The following LGALS9 variants were observed in gnomAD, a reference collection of about 807,000 sequenced individuals.
LGALS9 encodes the protein galectin 9, also known as galectin-9.
LGALS9 carries 26 observed loss-of-function variants against 35.9 expected under a neutral mutation model. The observed-to-expected ratio is 0.72, with a 90% CI of 0.53 to 1.01. The LOEUF is 1.01. Ranked by LOEUF, LGALS9 falls within the 50% of genes least tolerant of loss-of-function variation. LGALS9 has a pLI of 0.00. For missense variants in LGALS9, 347 were observed against 445.8 expected, an observed-to-expected ratio of 0.78 and a Z score of 1.99; for synonymous variants, 149 against 172.2, an observed-to-expected ratio of 0.87 and a Z score of 1.06.
chr17:27,636,037 A>G (rs2074447122), intron 1 of LGALS9, among the ~76,000 whole-genome samples: 1 of 152,220 alleles, frequency 6.6e-6, no homozygotes, highest in Non-Finnish European at 1.5e-5. Context: ...GAGGGGCAAC[A>G]AAAGACACCC....
At chr17:27,632,864 C>T (rs1027677095) in intron 1 of LGALS9, among the ~76,000 whole-genome samples, 12 of 152,322 alleles carry the variant, frequency 7.9e-5, no homozygotes, top group African/African-American at 2.9e-4. Flanking sequence ...CACTTGGTGA[C>T]CCATCTGGCA....
intron 10 of LGALS9, 55 bp from the exon 11 acceptor site, chr17:27,648,781 C>A: frequency 6.2e-7 from 1 of 1,610,578 alleles, no homozygotes; most frequent in Non-Finnish European, 8.5e-7. Context: ...GAGGAGGCTG[C>A]AGTGAGGGTG....
intron 1 of LGALS9, among the ~76,000 whole-genome samples, chr17:27,633,462 C>T (rs1213153153): frequency 7.2e-5 from 11 of 152,368 alleles, no homozygotes; most frequent in Admixed American, 4.6e-4. Context: ...CTAAGAGCCA[C>T]GTACTGGCCT....
At chr17:27,641,584 A>G (rs1414049621) in intron 3 of LGALS9, among the ~76,000 whole-genome samples, 4 of 152,260 alleles carry the variant, frequency 2.6e-5, no homozygotes, top group Middle Eastern at 3.4e-3. Context: ...CTTGATACCA[A>G]GGTGATGGGT....
intron 10 of LGALS9, among the ~76,000 whole-genome samples, chr17:27,647,980 G>A (rs1905068594): frequency 6.6e-6 from 1 of 152,256 alleles, no homozygotes; most frequent in African/African-American, 2.4e-5. Context: ...CAGAGGCACG[G>A]GTGTGGCCTG....
intron 1 of LGALS9, 136 bp downstream of exon 1, chr17:27,631,440 T>C: frequency 8.5e-7 from 1 of 1,175,238 alleles, no homozygotes. Context: ...GGCAGAAATA[T>C]CAGAGGAGGT....
intron 5 of LGALS9, chr17:27,644,605 G>A (rs1904790767): frequency 6.6e-6 from 1 of 152,466 alleles, no homozygotes; most frequent in Non-Finnish European, 1.5e-5. Flanking sequence ...TCAAGTAGTG[G>A]GGACTGGGAG....
chr17:27,641,994 G>A (rs1017988557), intron 3 of LGALS9, among the ~76,000 whole-genome samples: 1 of 151,968 alleles, frequency 6.6e-6, no homozygotes, highest in Non-Finnish European at 1.5e-5. Context: ...TGAAACCCCA[G>A]GTGAGCTAAG....
intron 5 of LGALS9, chr17:27,644,894 T>C (rs112779241): frequency 8.6e-4 from 156 of 180,686 alleles, no homozygotes; most frequent in African/African-American, 3.0e-3. Context: ...GTTGCCTCAC[T>C]AGGGACACAG....
intron 1 of LGALS9, among the ~76,000 whole-genome samples, chr17:27,634,150 T>C (rs2074418544): frequency 1.3e-5 from 2 of 152,234 alleles, no homozygotes; most frequent in Admixed American, 1.3e-4. Context: ...TCAGCAAAGT[T>C]GTTTCCTTCT....
intron 4 of LGALS9, 27 bp downstream of exon 4, chr17:27,642,375 C>T (rs1904580488): frequency 6.2e-7 from 1 of 1,611,620 alleles, no homozygotes; most frequent in Non-Finnish European, 8.5e-7. Context: ...GGCACCGGTC[C>T]CAGGGGCTGG....
intron 1 of LGALS9, among the ~76,000 whole-genome samples, chr17:27,631,647 CG>C (rs1237033375): frequency 1.3e-5 from 2 of 152,092 alleles, no homozygotes; most frequent in African/African-American, 4.8e-5. Flanking sequence ...GGACGCTACC[CG>C]GCATGGTAGT....
intron 5 of LGALS9, 99 bp from the exon 6 acceptor site, chr17:27,645,215 A>C: frequency 1.8e-5 from 29 of 1,594,778 alleles, no homozygotes; most frequent in Non-Finnish European, 2.4e-5. Flanking sequence ...CCGGGGAGGC[A>C]TTTCTGAGCA....
intron 7 of LGALS9, among the ~76,000 whole-genome samples, chr17:27,646,294 AG>A (rs1012093198): frequency 1.3e-5 from 2 of 152,036 alleles, no homozygotes; most frequent in African/African-American, 4.8e-5. Flanking sequence ...CAAATGAGGC[AG>A]GGGGGCTTAG....
At chr17:27,647,636 G>T (rs1468284943) in intron 10 of LGALS9, among the ~76,000 whole-genome samples, 1 of 152,182 alleles carries the variant, frequency 6.6e-6, no homozygotes, top group Admixed American at 6.5e-5. Flanking sequence ...TTCAGATGAG[G>T]AAACAAACTC....
intron 5 of LGALS9, among the ~76,000 whole-genome samples, chr17:27,643,836 C>T (rs904587224): frequency 5.3e-5 from 8 of 152,184 alleles, no homozygotes; most frequent in African/African-American, 1.2e-4. Flanking sequence ...CTCCAAGGCA[C>T]GAACGTGTCT....
intron 1 of LGALS9, among the ~76,000 whole-genome samples, chr17:27,632,381 T>A (rs1381873630): frequency 6.6e-6 from 1 of 152,132 alleles, no homozygotes; most frequent in East Asian, 1.9e-4. Flanking sequence ...GAGTCCAGAA[T>A]GAGGCTGCCT....
In LGALS9 at chr17:27,642,330, G is replaced by A. The variant is rs1191240137; in HGVS notation, c.426G>A (p.Leu142=). 6.2e-7 allele frequency: 1 copy of A among 1,611,922 alleles called. No individual in the cohort carries two copies. Among genetic ancestry groups the A allele is most frequent in the African/African-American group, 1.3e-5 (1 of 74,720 alleles). ...TCTCCGTCAATGGCTCTGTGCAGCT[G>A]TCCTACATCAGCTTCCAGGTCAGAC... ...DTISVNGSVQ[L]SYISFQNPRT... is the part of the protein sequence containing the mutation. The change falls in exon 4 of 11, where the codon CTG becomes CTA. Residue 142 remains leucine, a synonymous_variant. Transcript: ENST00000395473.
intron 1 of LGALS9, among the ~76,000 whole-genome samples, chr17:27,634,851 TAA>T (rs2074428579): frequency 6.6e-6 from 1 of 152,238 alleles, no homozygotes; most frequent in Non-Finnish European, 1.5e-5. Flanking sequence ...ACCAGTGTTA[TAA>T]GTTTCTTATA....
Sources: gnomAD v4.1 joint callset for allele counts (sites outside exome capture counted in the v4.1 genomes callset) on GRCh38, gnomAD v4.1.1 for gene constraint, MANE v1.5 for transcripts, NCBI Gene and HGNC (gene_info 2026-07-23, HGNC 2026-07-21) for gene names.